The following FAM161A variants were observed in gnomAD, a reference collection of about 807,000 sequenced individuals.
The protein encoded by FAM161A is FAM161 centrosomal protein A.
Under a neutral mutation model 70.9 loss-of-function variants are expected in FAM161A, and 57 were observed. The observed-to-expected ratio is 0.80, with a 90% CI of 0.65 to 1.00. The LOEUF is 1.00. Among genes scored for constraint, FAM161A ranks in the 50% least tolerant of loss-of-function variants. The pLI, the probability that FAM161A is intolerant of heterozygous loss-of-function variation, is 0.00. For synonymous variants in FAM161A, 299 were observed against 295.7 expected (o/e 1.01, Z -0.12); for missense variants, 880 against 836.0 (o/e 1.05, Z -0.65).
intron 5 of FAM161A, among the ~76,000 whole-genome samples, chr2:61,828,212 T>C (rs918179757): frequency 1.3e-5 from 2 of 152,120 alleles, no homozygotes; most frequent in African/African-American, 2.4e-5. Context: ...GTGGCCACAT[T>C]AGATTGATCT....
rs367777806 is a variant in FAM161A at position 61,838,687 on chromosome 2, C to A, written c.1602G>T (p.Lys534Asn). 9.7e-5 allele frequency: 156 copies of A among 1,607,836 alleles called. No homozygotes were observed. Among genetic ancestry groups the A allele is most frequent in the South Asian group, 1.6e-4 (14 of 90,058 alleles). ...GATTTCTCTCTTCTTCCAACATTTT[C>A]TTTTCCTCAAGTGATCTCCTGAGGG... is the stretch of plus-strand genomic sequence containing the variant. Reference protein sequence around the residue: ...EQAVRRSLEEKKMLEEERNRI... With the variant: ...EQAVRRSLEENKMLEEERNRI... The change falls in exon 4 of 7, where the codon AAG (lysine) becomes AAT (asparagine). Residue 534 changes from lysine to asparagine, a missense_variant. Transcript: ENST00000404929.
the FAM161A span, among the ~76,000 whole-genome samples, chr2:61,813,058 G>A: frequency 1.3e-4 from 19 of 151,496 alleles, no homozygotes; most frequent in Admixed American, 5.9e-4. Context: ...GCAAGACTCC[G>A]TCTCAAAAGA....
chr2:61,838,914 G>A (rs865874400), intron 3 of FAM161A, among the ~76,000 whole-genome samples: 6 of 145,788 alleles, frequency 4.1e-5, no homozygotes, highest in South Asian at 2.1e-4. Flanking sequence ...ATGGAGTCTC[G>A]CTCTGTCGCC....
intron 1 of FAM161A, 55 bp from the exon 2 acceptor site, chr2:61,842,415 G>T: frequency 1.8e-6 from 2 of 1,118,596 alleles, no homozygotes; most frequent in Non-Finnish European, 2.6e-6. Flanking sequence ...GACAAATTAA[G>T]CTGACACTGA....
rs1339094433 is a variant in FAM161A, at chr2:61,839,463, G to A, written c.1541C>T (p.Pro514Leu). 1 of 1,614,002 alleles carries A rather than the reference G, an allele frequency of 6.2e-7. No individual in the cohort carries two copies. Among genetic ancestry groups the A allele is most frequent in the African/African-American group, 1.3e-5 (1 of 74,902 alleles). Residue 514 changes from proline (P) to leucine (L), a missense_variant, in exon 3 of 7, where the codon CCC becomes CTC. Pro to Leu is a moderately conservative substitution (Grantham distance 98, BLOSUM62 -3). Coordinates refer to ENST00000404929, the MANE Select transcript of FAM161A (RefSeq NM_001201543.2). ...VNPVPCNCNPPVPTVSSRGRE... is the reference protein window; with the variant it reads ...VNPVPCNCNPLVPTVSSRGRE... ...TCCTCTGGAAGATACCGTGGGCACG[G>A]GAGGGTTGCAGTTACAAGGCACAGG...
At chr2:61,823,683 A>G (rs1672260125), downstream of FAM161A, among the ~76,000 whole-genome samples, 1 of 152,072 alleles carries the variant, frequency 6.6e-6, no homozygotes, top group African/African-American at 2.4e-5. Flanking sequence ...ATATTTATAG[A>G]TACATATATA....
chr2:61,823,991 CTAAAG>C (rs1318092714), downstream of FAM161A, among the ~76,000 whole-genome samples: 1 of 151,676 alleles, frequency 6.6e-6, no homozygotes, highest in African/African-American at 2.4e-5. Context: ...ATGTGACCTG[CTAAAG>C]TAATCTTTCA....
At chr2:61,818,666 A>T in the FAM161A span, among the ~76,000 whole-genome samples, 1 of 152,148 alleles carries the variant, frequency 6.6e-6, no homozygotes, top group Non-Finnish European at 1.5e-5. Context: ...CACATAAAAG[A>T]GACTGGGAAG....
At chr2:61,849,734 G>C (rs1430579331) in intron 1 of FAM161A, among the ~76,000 whole-genome samples, 2 of 148,540 alleles carry the variant, frequency 1.3e-5, no homozygotes, top group African/African-American at 5.0e-5. Context: ...TCATTGAGCC[G>C]AGATTGTGCC....
chr2:61,840,681 C>CAGAAAA, intron 2 of FAM161A, 100 bp from the exon 3 acceptor site: 2 of 915,036 alleles, frequency 2.2e-6, no homozygotes, highest in Non-Finnish European at 3.4e-6. Flanking sequence ...GACAGAGTCT[C>CAGAAAA]ACTCTGTTGC....
At chr2:61,840,618 G>T (rs1672986799) in intron 2 of FAM161A, 37 bp from the exon 3 acceptor site, 2 of 1,388,826 alleles carry the variant, frequency 1.4e-6, no homozygotes, top group African/African-American at 1.4e-5. Flanking sequence ...ACTTTCAGTT[G>T]TATGTGACCA....
the FAM161A span, among the ~76,000 whole-genome samples, chr2:61,819,739 T>A: frequency 2.0e-5 from 3 of 152,196 alleles, no homozygotes; most frequent in Non-Finnish European, 1.5e-5. Context: ...TTTAGGAACA[T>A]AACTTTTAGG....
In FAM161A at chr2:61,840,137, T is replaced by C. The variant is rs558087162; in HGVS notation, c.867A>G (p.Ala289=). The C allele has an allele frequency of 1.2e-5, 19 of 1,614,218 alleles. No individual in the cohort carries two copies. The South Asian group carries it at 1.9e-4, about 16-fold the overall frequency. ...KKKFRANPVP[A]SVFLPLYHDL... is the part of the protein sequence containing the mutation. ...CATGGTAAAGGGGGAGAAAGACAGA[T>C]GCAGGAACTGGATTGGCTCGGAATT... is the stretch of plus-strand genomic sequence containing the variant. Residue 289 remains alanine, a synonymous_variant, in exon 3 of 7, where the codon GCA becomes GCG. Transcript: ENST00000404929.
the FAM161A span, among the ~76,000 whole-genome samples, chr2:61,804,999 AT>A: frequency 3.4e-5 from 5 of 148,426 alleles, no homozygotes; most frequent in African/African-American, 7.4e-5. Context: ...TCTGACTGCC[AT>A]TTTTTTTTTC....
the FAM161A span, among the ~76,000 whole-genome samples, chr2:61,810,580 T>A: frequency 6.7e-6 from 1 of 149,254 alleles, no homozygotes; most frequent in Non-Finnish European, 1.5e-5. Context: ...TGCCTCAGCC[T>A]CCTGAGTAGC....
intron 1 of FAM161A, chr2:61,846,684 A>C: frequency 3.8e-6 from 1 of 262,468 alleles, no homozygotes. Flanking sequence ...CTGCTTTGCC[A>C]GTGCTCCTCA....
chr2:61,841,356 T>C (rs1018511883), intron 2 of FAM161A, among the ~76,000 whole-genome samples: 2 of 152,222 alleles, frequency 1.3e-5, no homozygotes, highest in Non-Finnish European at 2.9e-5. Context: ...TCACACACGA[T>C]ATGATTTCTC....
intron 5 of FAM161A, chr2:61,835,792 G>C (rs906750117): frequency 1.9e-6 from 1 of 518,552 alleles, no homozygotes; most frequent in Admixed American, 3.5e-5. Context: ...AGCCTCCCAA[G>C]TAGCTGGGAC....
chr2:61,807,602 C>A, the FAM161A span, among the ~76,000 whole-genome samples: 1 of 149,650 alleles, frequency 6.7e-6, no homozygotes. Flanking sequence ...ATTTTGGGAC[C>A]CTGAAAGGGT....
Sources: gnomAD v4.1 joint callset for allele counts (sites outside exome capture counted in the v4.1 genomes callset) on GRCh38, gnomAD v4.1.1 for gene constraint, MANE v1.5 for transcripts, NCBI Gene and HGNC (gene_info 2026-07-23, HGNC 2026-07-21) for gene names.